The following ESF1 variants were observed in gnomAD, a reference collection of about 807,000 sequenced individuals.
ESF1 encodes ESF1 homolog.
A neutral mutation model predicts 92.0 loss-of-function variants in ESF1; 58 were observed. That is an observed-to-expected ratio of 0.63 (90% CI 0.51 to 0.78). The LOEUF (loss-of-function observed/expected upper bound fraction) is 0.78, where lower values mean the gene tolerates loss of function less well. Ranked by LOEUF, ESF1 falls within the 30% of genes least tolerant of loss-of-function variation. The pLI is 0.00. For missense variants in ESF1, 922 were observed against 989.1 expected (o/e 0.93, Z 0.91); for synonymous variants, 321 against 313.7 (o/e 1.02, Z -0.24).
intron 4 of ESF1, among the ~76,000 whole-genome samples, chr20:13,773,805 G>A (rs1979797460): frequency 6.6e-6 from 1 of 152,060 alleles, no homozygotes; most frequent in African/African-American, 2.4e-5. Context: ...AAGTTTATTA[G>A]CTAGTCTAGG....
At chr20:13,764,772 G>A (rs542482933) in intron 8 of ESF1, among the ~76,000 whole-genome samples, 23 of 152,264 alleles carry the variant, frequency 1.5e-4, no homozygotes, top group Admixed American at 6.5e-4. Flanking sequence ...AGGCTGAGGA[G>A]GAGCAGGAAG....
intron 11 of ESF1, among the ~76,000 whole-genome samples, chr20:13,725,657 C>CAGTGCA (rs1218846161): frequency 6.6e-6 from 1 of 152,190 alleles, no homozygotes; most frequent in African/African-American, 2.4e-5. Context: ...GACAGATTAA[C>CAGTGCA]AGTGCCTCAT....
chr20:13,732,836 T>C (rs908265274), intron 10 of ESF1, among the ~76,000 whole-genome samples: 13 of 152,220 alleles, frequency 8.5e-5, no homozygotes, highest in African/African-American at 3.1e-4. Flanking sequence ...GAAAAGATGC[T>C]ATTCCCTGAA....
Position 13,782,753 on chromosome 20 carries a change from C to G in ESF1, c.388G>C (p.Asp130His), listed in dbSNP as rs1449948073. ...TTAATTCCTATAGAATTATCTAAAT[C>G]AGTTTTATTTTCAGAACCCTTGTGA... ...ANHKGSENKT[D>H]LDNSIGIKKM... Residue 130 changes from aspartate to histidine, a missense_variant, in exon 2 of 14, where the codon GAT becomes CAT. Coordinates refer to ENST00000617257, the MANE Select transcript of ESF1 (RefSeq NM_001276380.2). 2 of 1,595,484 alleles carry G rather than the reference C, an allele frequency of 1.3e-6. No homozygotes were observed. The highest frequency in any genetic ancestry group is 2.7e-5 in the African/African-American group (2 of 73,426).
At chr20:13,775,316 C>G in intron 3 of ESF1, 46 bp from the exon 4 acceptor site, 6 of 1,212,256 alleles carry the variant, frequency 4.9e-6, no homozygotes, top group Non-Finnish European at 7.1e-6. Context: ...ATATCATTCT[C>G]AATACTTGAA....
At position 13,775,938 on chromosome 20, in the gene ESF1, G is replaced by T. The variant is rs768618863; in HGVS notation, c.970C>A (p.Pro324Thr). The change falls in exon 3 of 14, where the codon CCA (proline) becomes ACA (threonine). Residue 324 changes from proline to threonine, a missense_variant. Pro to Thr is a conservative substitution (Grantham distance 38, BLOSUM62 -1). Transcript: ENST00000617257. ...EDEDDTADLF[P>T]EESGFEHAWR... The stretch of plus-strand genomic sequence containing the variant: ...GCATGCTCAAAACCAGATTCTTCTG[G>T]AAACAAATCTGCCGTATCATCTTCA... 3 of 1,613,588 alleles carry T rather than the reference G, an allele frequency of 1.9e-6. No homozygotes were observed. Among genetic ancestry groups the T allele is most frequent in the Non-Finnish European group, 2.5e-6 (3 of 1,179,804 alleles).
In ESF1 at chr20:13,771,378, A is replaced by G. The variant is rs142853188; in HGVS notation, c.1356T>C (p.Asp452=). 3.7e-6 allele frequency: 6 copies of G among 1,612,728 alleles called. No homozygotes were observed. In the East Asian group the frequency reaches 8.9e-5, roughly 24 times the overall value. ...TACTTTCAAATTCCAGGCCATCACA[A>G]TCCTCATAAATTTTACTAGCTGTTT... ...SPETASKIYE[D]CDGLEFESSC... is the part of the protein sequence containing the mutation. Residue 452 remains aspartate (D), a synonymous_variant, in exon 6 of 14, where the codon GAT becomes GAC. Transcript: ENST00000617257.
chr20:13,730,826 T>C (rs1450350728), intron 10 of ESF1, among the ~76,000 whole-genome samples: 1 of 151,934 alleles, frequency 6.6e-6, no homozygotes, highest in Non-Finnish European at 1.5e-5. Context: ...CAACAACAGC[T>C]AGATCAAAAT....
Position 13,714,897 on chromosome 20 carries a change from T to G in ESF1, c.2533A>C (p.Arg845=). 3.1e-6 allele frequency: 5 copies of G among 1,597,726 alleles called. No homozygotes were observed. Among genetic ancestry groups the G allele is most frequent in the Non-Finnish European group, 4.3e-6 (5 of 1,173,996 alleles). Residue 845 remains arginine, a synonymous_variant, in exon 14 of 14, where the codon AGA becomes CGA. Coordinates refer to ENST00000617257, the MANE Select transcript of ESF1 (RefSeq NM_001276380.2). ...IKTKTEQFQA[R]KKQKVK is the part of the protein sequence containing the mutation. The stretch of plus-strand genomic sequence containing the variant: ...AGTTATTTGACTTTTTGCTTTTTTC[T>G]TGCTTGAAACTGCTCTGTTTTGGTT...
intron 9 of ESF1, 28 bp downstream of exon 9, chr20:13,759,664 G>A (rs1979062581): frequency 6.4e-7 from 1 of 1,564,280 alleles, no homozygotes; most frequent in East Asian, 2.3e-5. Flanking sequence ...ATTCGAAAAA[G>A]AGAAAACATT....
chr20:13,739,642 A>G (rs948209631), intron 9 of ESF1, among the ~76,000 whole-genome samples: 8 of 152,202 alleles, frequency 5.3e-5, no homozygotes, highest in East Asian at 3.9e-4. Flanking sequence ...GTTTATGGAC[A>G]AGGTCAAAAA....
At position 13,772,567 on chromosome 20, in the gene ESF1, G is replaced by GCTCTTCTTGCTC; in HGVS notation, c.1197_1198insGAGCAAGAAGAG (p.Val399_Gln400insGluGlnGluGlu). On this transcript the variant is annotated inframe_insertion, in exon 5 of 14. Transcript: ENST00000617257. ...ATACTTAATAGCTCTACTGGTCCTT[G>GCTCTTCTTGCTC]AACTTGCTCTTCCTTCATCCTCTCC... is the stretch of plus-strand genomic sequence containing the variant. 6.2e-7 allele frequency: 1 copy of GCTCTTCTTGCTC among 1,612,994 alleles called. No individual in the cohort carries two copies.
In ESF1 at chr20:13,759,744, T is replaced by C. The variant is rs1568722789; in HGVS notation, c.1776A>G (p.Lys592=). ...TATCATTTTCTTTGCCTTTCTTTTCTTTTTCTTGAATAACCTGCAAGAGCT... is the reference window on the plus strand; with the variant it reads ...TATCATTTTCTTTGCCTTTCTTTTCCTTTTCTTGAATAACCTGCAAGAGCT... ...YRQLLQVIQE[K]EKKGKENDME... is the part of the protein sequence containing the mutation. Residue 592 remains lysine, a synonymous_variant, in exon 9 of 14, where the codon AAA becomes AAG. Coordinates refer to ENST00000617257, the MANE Select transcript of ESF1 (RefSeq NM_001276380.2). 1 of 1,571,836 alleles carries C rather than the reference T, an allele frequency of 6.4e-7. No individual in the cohort carries two copies.
intron 7 of ESF1, among the ~76,000 whole-genome samples, chr20:13,769,586 G>C (rs534934258): frequency 6.6e-6 from 1 of 152,256 alleles, no homozygotes; most frequent in Admixed American, 6.5e-5. Flanking sequence ...AGGAGTTCAA[G>C]ACCAGCCTGG....
chr20:13,757,655 T>C (rs1978960168), intron 9 of ESF1, among the ~76,000 whole-genome samples: 1 of 152,126 alleles, frequency 6.6e-6, no homozygotes. Flanking sequence ...CCACCCACCT[T>C]GGCCTCTGAA....
intron 11 of ESF1, among the ~76,000 whole-genome samples, chr20:13,719,396 T>C (rs1459710097): frequency 6.6e-6 from 1 of 152,100 alleles, no homozygotes; most frequent in Admixed American, 6.5e-5. Context: ...AGGAAATCTT[T>C]AGAAAGATTA....
intron 9 of ESF1, among the ~76,000 whole-genome samples, chr20:13,742,641 G>A (rs1382095156): frequency 6.6e-6 from 1 of 151,998 alleles, no homozygotes; most frequent in Non-Finnish European, 1.5e-5. Flanking sequence ...TGTGACAGGA[G>A]TATGAATATA....
chr20:13,746,283 AC>A (rs2050047767), intron 9 of ESF1, among the ~76,000 whole-genome samples: 2 of 152,236 alleles, frequency 1.3e-5, no homozygotes, highest in South Asian at 4.2e-4. Context: ...TTTTCTTTAA[AC>A]TGTAAATACA....
At chr20:13,754,949 T>A (rs1475393848) in intron 9 of ESF1, among the ~76,000 whole-genome samples, 1 of 152,240 alleles carries the variant, frequency 6.6e-6, no homozygotes, top group Non-Finnish European at 1.5e-5. Context: ...TCAAGGATAC[T>A]CCTATGCTAC....
Sources: allele counts gnomAD v4.1 joint callset (sites outside exome capture counted in the v4.1 genomes callset), GRCh38; gene constraint gnomAD v4.1.1; transcripts MANE v1.5; gene names NCBI Gene and HGNC (gene_info 2026-07-23, HGNC 2026-07-21).